TMEM202: variants seen among roughly 807,000 people sequenced by gnomAD.
TMEM202 encodes the protein transmembrane protein 202.
A neutral mutation model predicts 26.1 loss-of-function variants in TMEM202; 25 were observed. That is an observed-to-expected ratio of 0.96 (90% CI 0.70 to 1.34). The LOEUF (loss-of-function observed/expected upper bound fraction) is 1.34. Ranked by LOEUF, TMEM202 falls within the 40% of genes most tolerant of loss-of-function variation. The pLI is 0.00. For missense variants in TMEM202, 301 were observed against 327.7 expected, an observed-to-expected ratio of 0.92 and a Z score of 0.63; for synonymous variants, 122 against 119.0, an observed-to-expected ratio of 1.02 and a Z score of -0.16.
In TMEM202 at chr15:72,398,855, T is replaced by C. The variant is rs1200337758; in HGVS notation, c.284T>C (p.Leu95Pro). Residue 95 changes from leucine (L) to proline (P), a missense_variant, in exon 2 of 5, where the codon CTC (leucine) becomes CCC (proline). Physicochemically the swap from Leu to Pro is moderately conservative, Grantham distance 98. Transcript: ENST00000341689. ...AATGGCCTTGAGCTCTACGCAGGACTCTGGACCTTATGCAACCATGAGCTG... is the reference window on the plus strand; with the variant it reads ...AATGGCCTTGAGCTCTACGCAGGACCCTGGACCTTATGCAACCATGAGCTG... The part of the protein sequence containing the change: ...IKNGLELYAG[L>P]WTLCNHELCW... The C allele has an allele frequency of 6.2e-6, 10 of 1,613,982 alleles. No homozygotes were observed. The highest frequency in any genetic ancestry group is 8.5e-6 in the Non-Finnish European group (10 of 1,179,942).
Position 72,398,421 on chromosome 15 carries a change from T to G in TMEM202, c.81+14T>G. ...AAATACCAAAGGGTGAGGAGGTATC[T>G]AATTGAAAGTCAGATGGGAAGAAGA... On this transcript the variant is annotated intron_variant, in intron 1 of 4. Transcript: ENST00000341689. 6.3e-7 allele frequency: 1 copy of G among 1,597,382 alleles called. No homozygotes were observed. The highest frequency in any genetic ancestry group is 8.5e-7 in the Non-Finnish European group (1 of 1,169,738).
chr15:72,400,616 TA>T (rs1301293596), intron 2 of TMEM202, among the ~76,000 whole-genome samples: 1 of 152,174 alleles, frequency 6.6e-6, no homozygotes, highest in Non-Finnish European at 1.5e-5. Context: ...TTTAAATTTT[TA>T]ATAAATTAGG....
chr15:72,400,849 C>A (rs949108815), intron 2 of TMEM202, among the ~76,000 whole-genome samples: 7 of 152,282 alleles, frequency 4.6e-5, no homozygotes, highest in African/African-American at 1.7e-4. Context: ...ATGGCTATTT[C>A]TTTATTATAT....
Position 72,406,726 on chromosome 15 carries a change from G to C in TMEM202, c.462G>C (p.Lys154Asn). 6.2e-7 allele frequency: 1 copy of C among 1,614,048 alleles called. No individual in the cohort carries two copies. The highest frequency in any genetic ancestry group is 8.5e-7 in the Non-Finnish European group (1 of 1,179,980). ...GCATGACCACCAACTTGGATCTGAAGGTATCCATGCTCAGCTTCATCTCAG... is the reference window on the plus strand; with the variant it reads ...GCATGACCACCAACTTGGATCTGAACGTATCCATGCTCAGCTTCATCTCAG... ...RGSMTTNLDL[K>N]VSMLSFISAT... Residue 154 changes from lysine (K) to asparagine (N), a missense_variant, in exon 3 of 5, where the codon AAG becomes AAC. Physicochemically the swap from Lys to Asn is moderately conservative, Grantham distance 94. Coordinates refer to ENST00000341689, the MANE Select transcript of TMEM202 (RefSeq NM_001080462.3).
chr15:72,407,638 G>A, intron 4 of TMEM202, 53 bp from the exon 5 acceptor site: 1 of 1,548,198 alleles, frequency 6.5e-7, no homozygotes. Context: ...AATTTTAAAA[G>A]CCAAAAGACC....
In TMEM202 at chr15:72,408,348, A is replaced by G. The variant is rs2063583479; in HGVS notation, c.*455A>G. On this transcript the variant is annotated 3_prime_UTR_variant, in exon 5 of 5. Coordinates refer to ENST00000341689, the MANE Select transcript of TMEM202 (RefSeq NM_001080462.3). Reference sequence around the variant, plus strand: ...TAGCATTACCAGAAATGGAATAAATATCAATGGATATAAGACCTACTACTC... The same window carrying G: ...TAGCATTACCAGAAATGGAATAAATGTCAATGGATATAAGACCTACTACTC... Among the ~76,000 whole-genome samples, 1 of 152,206 alleles carries G rather than the reference A, an allele frequency of 6.6e-6. No individual in the cohort carries two copies.
intron 1 of TMEM202, 123 bp downstream of exon 1, chr15:72,398,530 G>A: frequency 2.2e-6 from 3 of 1,347,856 alleles, no homozygotes; most frequent in Non-Finnish European, 3.0e-6. Context: ...TTTTTTTTTA[G>A]GAGTAGGGAA....
In TMEM202 at chr15:72,398,798, C is replaced by T; in HGVS notation, c.227C>T (p.Pro76Leu). 5 of 1,614,204 alleles carry T rather than the reference C, an allele frequency of 3.1e-6. No homozygotes were observed. In the South Asian group the frequency reaches 5.5e-5, roughly 18 times the overall value. ...FSLLMLIAMSPLNWVQFLVIK... is the reference protein window; with the variant it reads ...FSLLMLIAMSLLNWVQFLVIK... ...CTCCTAATGCTGATCGCCATGTCCC[C>T]ACTGAACTGGGTACAGTTTCTGGTG... The change falls in exon 2 of 5, where the codon CCA becomes CTA. Residue 76 changes from proline to leucine, a missense_variant. Coordinates refer to ENST00000341689, the MANE Select transcript of TMEM202 (RefSeq NM_001080462.3).
intron 2 of TMEM202, among the ~76,000 whole-genome samples, chr15:72,401,564 A>G (rs1417705378): frequency 5.3e-5 from 8 of 152,174 alleles, no homozygotes. Flanking sequence ...AAATTAATAC[A>G]TTAGAATCCC....
At chr15:72,407,300 A>G (rs1413655952) in intron 4 of TMEM202, 83 bp downstream of exon 4, 4 of 1,468,434 alleles carry the variant, frequency 2.7e-6, no homozygotes, top group Non-Finnish European at 3.8e-6. Context: ...GGAGAAATAG[A>G]AGCACTGACT....
intron 2 of TMEM202, among the ~76,000 whole-genome samples, chr15:72,406,352 T>A (rs1263201729): frequency 6.6e-6 from 1 of 152,230 alleles, no homozygotes; most frequent in Non-Finnish European, 1.5e-5. Flanking sequence ...AAAGGTTTAA[T>A]CTGTTTTGTC....
Position 72,407,909 on chromosome 15 carries a change from A to C in TMEM202, c.*16A>C. 1 of 1,606,652 alleles carries C rather than the reference A, an allele frequency of 6.2e-7. No homozygotes were observed. On this transcript the variant is annotated 3_prime_UTR_variant, in exon 5 of 5. Coordinates refer to ENST00000341689, the MANE Select transcript of TMEM202 (RefSeq NM_001080462.3). ...GTGGTGGTGATAGGAAAACCTAACT[A>C]TAGCTTGTCTTAAAAGCAGGGGAGA...
At chr15:72,400,011 A>G (rs2063540325) in intron 2 of TMEM202, among the ~76,000 whole-genome samples, 1 of 152,246 alleles carries the variant, frequency 6.6e-6, no homozygotes, top group African/African-American at 2.4e-5. Context: ...GGGCTGTGAC[A>G]TTTGATATTA....
intron 2 of TMEM202, among the ~76,000 whole-genome samples, chr15:72,399,127 G>T (rs892658833): frequency 1.3e-5 from 2 of 152,132 alleles, no homozygotes; most frequent in Admixed American, 6.6e-5. Context: ...TTTATGGGAA[G>T]AACTGTTTTT....
intron 2 of TMEM202, among the ~76,000 whole-genome samples, chr15:72,403,551 C>A (rs1440372143): frequency 6.6e-6 from 1 of 152,138 alleles, no homozygotes; most frequent in Non-Finnish European, 1.5e-5. Flanking sequence ...CGGACCAAGG[C>A]TTCTTACAGA....
At chr15:72,401,983 T>C (rs1484352251) in intron 2 of TMEM202, among the ~76,000 whole-genome samples, 1 of 152,200 alleles carries the variant, frequency 6.6e-6, no homozygotes, top group Admixed American at 6.5e-5. Flanking sequence ...TATTTATTTT[T>C]GAGATCGAAT....
intron 2 of TMEM202, among the ~76,000 whole-genome samples, chr15:72,404,982 A>G (rs757342341): frequency 1.3e-5 from 2 of 152,190 alleles, no homozygotes; most frequent in African/African-American, 2.4e-5. Context: ...GTGAATTACT[A>G]TGTTTTAATG....
chr15:72,398,517 T>G (rs553188669), intron 1 of TMEM202, 110 bp downstream of exon 1: 125 of 408,254 alleles, frequency 3.1e-4, no homozygotes, highest in South Asian at 1.2e-3. Flanking sequence ...AATTGTGGGG[T>G]TTTTTTTTTT....
At chr15:72,406,174 T>C (rs190598907) in intron 2 of TMEM202, among the ~76,000 whole-genome samples, 2 of 152,268 alleles carry the variant, frequency 1.3e-5, no homozygotes, top group East Asian at 3.9e-4. Context: ...TAGTATCATA[T>C]CTACTATGTA....
Sources: gnomAD v4.1 joint callset for allele counts (sites outside exome capture counted in the v4.1 genomes callset) on GRCh38, gnomAD v4.1.1 for gene constraint, MANE v1.5 for transcripts, NCBI Gene and HGNC (gene_info 2026-07-23, HGNC 2026-07-21) for gene names.